The following ZFAND3 variants were observed in gnomAD, a reference collection of about 807,000 sequenced individuals.
The protein encoded by ZFAND3 is zinc finger AN1-type containing 3, also known as AN1-type zinc finger protein 3.
Under a neutral mutation model 29.6 loss-of-function variants are expected in ZFAND3, and 10 were observed. That is an observed-to-expected ratio of 0.34 (90% CI 0.21 to 0.57). The LOEUF (loss-of-function observed/expected upper bound fraction) is 0.57. Among genes scored for constraint, ZFAND3 ranks in the 20% least tolerant of loss-of-function variants. ZFAND3 has a pLI of 0.86. For synonymous variants in ZFAND3, 128 were observed against 112.6 expected (o/e 1.14, Z -0.87); for missense variants, 230 against 304.5 (o/e 0.76, Z 1.82).
chr6:38,100,989 A>G (rs1409811933), intron 4 of ZFAND3, among the ~76,000 whole-genome samples: 1 of 152,228 alleles, frequency 6.6e-6, no homozygotes, highest in Admixed American at 6.5e-5. Flanking sequence ...GAATTATTTT[A>G]CACAGCTACA....
intron 2 of ZFAND3, among the ~76,000 whole-genome samples, chr6:37,974,253 G>A (rs1181258904): frequency 6.6e-6 from 1 of 151,978 alleles, no homozygotes; most frequent in Non-Finnish European, 1.5e-5. Context: ...TAGTAGAGAC[G>A]GAGTTTGACC....
intron 2 of ZFAND3, among the ~76,000 whole-genome samples, chr6:37,958,309 C>G (rs1762135939): frequency 1.3e-5 from 2 of 152,106 alleles, no homozygotes; most frequent in African/African-American, 4.8e-5. Flanking sequence ...CAAAGATTAG[C>G]TGGGCGTGGT....
At chr6:37,986,468 C>T (rs1005525687) in intron 2 of ZFAND3, among the ~76,000 whole-genome samples, 1 of 152,158 alleles carries the variant, frequency 6.6e-6, no homozygotes, top group Non-Finnish European at 1.5e-5. Flanking sequence ...CCAGTACCTG[C>T]TGTGCAAAGA....
chr6:37,840,754 C>T (rs1277544134), intron 1 of ZFAND3, among the ~76,000 whole-genome samples: 4 of 152,176 alleles, frequency 2.6e-5, no homozygotes, highest in Admixed American at 6.5e-5. Context: ...CTTTCAACAA[C>T]ATTTTGTAGT....
intron 2 of ZFAND3, among the ~76,000 whole-genome samples, chr6:37,940,502 C>G (rs2127416821): frequency 6.6e-6 from 1 of 152,248 alleles, no homozygotes; most frequent in East Asian, 1.9e-4. Context: ...CTGGTTCTTG[C>G]AGTGTAAAGT....
At chr6:37,913,451 C>G (rs1765558303) in intron 1 of ZFAND3, among the ~76,000 whole-genome samples, 1 of 152,154 alleles carries the variant, frequency 6.6e-6, no homozygotes, top group African/African-American at 2.4e-5. Flanking sequence ...TGATTCATAT[C>G]TTCAGGCTCT....
At position 37,988,226 on chromosome 6, in the gene ZFAND3, T is replaced by C. The variant is rs572337592; in HGVS notation, c.112+58227T>C. ...TTACCCCATTGGCCTGTGTGATTAATGCTTTTTCCTCACAACTGTGGAAGC... is the reference window on the plus strand; with the variant it reads ...TTACCCCATTGGCCTGTGTGATTAACGCTTTTTCCTCACAACTGTGGAAGC... On this transcript the variant is annotated intron_variant, in intron 2 of 5. Coordinates refer to ENST00000287218, the MANE Select transcript of ZFAND3 (RefSeq NM_021943.3). Among the ~76,000 whole-genome samples the C allele has an allele frequency of 3.3e-5, 5 of 152,364 alleles. No individual in the cohort carries two copies. The South Asian group carries it at 8.3e-4, about 25-fold the overall frequency.
intron 4 of ZFAND3, among the ~76,000 whole-genome samples, chr6:38,112,942 G>A (rs1765348471): frequency 6.6e-6 from 1 of 152,146 alleles, no homozygotes; most frequent in African/African-American, 2.4e-5. Context: ...CCGGAGAATG[G>A]TTTGCTTCTC....
intron 4 of ZFAND3, among the ~76,000 whole-genome samples, chr6:38,104,184 A>G (rs1765151129): frequency 6.6e-6 from 1 of 152,184 alleles, no homozygotes; most frequent in Non-Finnish European, 1.5e-5. Context: ...CCTTTCAGTA[A>G]TTAGTGCAGT....
chr6:37,881,159 C>T (rs1486243947), intron 1 of ZFAND3, among the ~76,000 whole-genome samples: 1 of 152,132 alleles, frequency 6.6e-6, no homozygotes, highest in East Asian at 1.9e-4. Context: ...GCAGCCTCCA[C>T]CTCCCGGGTT....
intron 2 of ZFAND3, among the ~76,000 whole-genome samples, chr6:38,033,935 C>A (rs1278438244): frequency 6.6e-6 from 1 of 152,102 alleles, no homozygotes; most frequent in Non-Finnish European, 1.5e-5. Context: ...AGGGTACTTA[C>A]TGTTTCAAAA....
chr6:38,127,557 G>A (rs1765657938), intron 5 of ZFAND3, among the ~76,000 whole-genome samples: 1 of 152,160 alleles, frequency 6.6e-6, no homozygotes. Flanking sequence ...ACTCACTTGA[G>A]GTGATGAAAG....
intron 3 of ZFAND3, among the ~76,000 whole-genome samples, chr6:38,063,473 T>C (rs535933648): frequency 1.3e-5 from 2 of 152,148 alleles, no homozygotes; most frequent in African/African-American, 2.4e-5. Flanking sequence ...ATACCAGTAA[T>C]GATGAGCTTG....
chr6:37,976,005 T>C lies in ZFAND3; in HGVS notation c.112+46006T>C, dbSNP rs76541494. Among the ~76,000 whole-genome samples, 13 of 152,318 alleles carry C rather than the reference T, an allele frequency of 8.5e-5. 1 individual carries two copies. The East Asian group carries it at 2.5e-3, about 29-fold the overall frequency. ...TAACAATGTTGAGTCTTTCAATCTA[T>C]GATAGAAGTGATCTCTCTTTAGGCC... On this transcript the variant is annotated intron_variant, in intron 2 of 5. Coordinates refer to ENST00000287218, the MANE Select transcript of ZFAND3 (RefSeq NM_021943.3).
chr6:37,988,430 A>C (rs938285520), intron 2 of ZFAND3, among the ~76,000 whole-genome samples: 2 of 152,244 alleles, frequency 1.3e-5, no homozygotes, highest in African/African-American at 2.4e-5. Context: ...CTCATCTGCC[A>C]GAAATGTCAT....
chr6:37,935,050 T>C (rs1761673833), intron 2 of ZFAND3, among the ~76,000 whole-genome samples: 2 of 152,118 alleles, frequency 1.3e-5, no homozygotes, highest in Non-Finnish European at 2.9e-5. Flanking sequence ...ATTGTGTAGG[T>C]AGAGAAGCCT....
intron 2 of ZFAND3, among the ~76,000 whole-genome samples, chr6:38,036,825 G>A (rs1433888192): frequency 6.6e-6 from 1 of 151,756 alleles, no homozygotes; most frequent in Non-Finnish European, 1.5e-5. Context: ...TGTTTTCCAG[G>A]CTGGTCTCAA....
At chr6:37,932,370 T>C (rs924139565) in intron 2 of ZFAND3, among the ~76,000 whole-genome samples, 2 of 152,222 alleles carry the variant, frequency 1.3e-5, no homozygotes, top group African/African-American at 2.4e-5. Context: ...GTTAACTTTA[T>C]AGTGAAGACG....
At chr6:38,116,001 A>C (rs1003264388) in intron 4 of ZFAND3, among the ~76,000 whole-genome samples, 11 of 152,200 alleles carry the variant, frequency 7.2e-5, no homozygotes, top group Non-Finnish European at 1.2e-4. Context: ...ACTAATTGTC[A>C]GTATTAGAAC....
Sources: gnomAD v4.1 joint callset for allele counts (sites outside exome capture counted in the v4.1 genomes callset) on GRCh38, gnomAD v4.1.1 for gene constraint, MANE v1.5 for transcripts, NCBI Gene and HGNC (gene_info 2026-07-23, HGNC 2026-07-21) for gene names.